Variants in STAM observed in about 807,000 individuals in gnomAD.
The protein encoded by STAM is signal transducing adapter molecule 1.
A neutral mutation model predicts 63.4 loss-of-function variants in STAM; 16 were observed. The observed-to-expected ratio is 0.25, with a 90% confidence interval of 0.17 to 0.38. The LOEUF is 0.38. Among genes scored for constraint, STAM ranks in the 10% least tolerant of loss-of-function variants. The pLI is 1.00. For synonymous variants in STAM, 238 were observed against 223.9 expected (o/e 1.06, Z -0.56); for missense variants, 636 against 657.1 (o/e 0.97, Z 0.35).
At chr10:17,670,626 G>A (rs868952007) in intron 2 of STAM, among the ~76,000 whole-genome samples, 1 of 152,008 alleles carries the variant, frequency 6.6e-6, no homozygotes, top group Non-Finnish European at 1.5e-5. Flanking sequence ...AAATATCATC[G>A]TACTGAATTT....
At position 17,696,661 on chromosome 10, in the gene STAM, G is replaced by T. The variant is rs566047188; in HGVS notation, c.729-114G>T. 18 of 670,772 alleles carry T rather than the reference G, an allele frequency of 2.7e-5. No individual in the cohort carries two copies. In the African/African-American group the frequency reaches 3.3e-4, roughly 12 times the overall value. The allele number at this position is 670,772 out of a possible 1,614,324, so 41.6% of individuals were successfully genotyped here. ...GGAAGATTCATTGGCTTTTTCAGTGGGTTATTGTGAGATTCAAATTTTGTA... is the reference window on the plus strand; with the variant it reads ...GGAAGATTCATTGGCTTTTTCAGTGTGTTATTGTGAGATTCAAATTTTGTA... On this transcript the variant is annotated intron_variant, in intron 7 of 13. Coordinates refer to ENST00000377524, the MANE Select transcript of STAM (RefSeq NM_003473.4).
At chr10:17,684,354 G>C (rs1473200625) in intron 2 of STAM, among the ~76,000 whole-genome samples, 2 of 151,998 alleles carry the variant, frequency 1.3e-5, no homozygotes, top group Non-Finnish European at 2.9e-5. Flanking sequence ...CAACGGGAGT[G>C]TAAGTCTGGT....
rs1413042995 is a variant in STAM, at chr10:17,716,213, A to G, written c.*1433A>G. 1.3e-5 allele frequency among the ~76,000 whole-genome samples: 2 copies of G among 152,172 alleles called. No individual in the cohort carries two copies. Among genetic ancestry groups the G allele is most frequent in the Non-Finnish European group, 2.9e-5 (2 of 68,002 alleles). On this transcript the variant is annotated 3_prime_UTR_variant, in exon 14 of 14. Transcript: ENST00000377524. ...GAATTGATGTAACAGGTTTCATACT[A>G]TAAATGAAAATTTCATTTTTATTTT...
At chr10:17,653,844 C>A (rs1339567530) in intron 1 of STAM, among the ~76,000 whole-genome samples, 1 of 152,164 alleles carries the variant, frequency 6.6e-6, no homozygotes, top group African/African-American at 2.4e-5. Context: ...AACCAATCTC[C>A]CATGTATACC....
At chr10:17,665,879 G>A (rs529138095) in intron 2 of STAM, among the ~76,000 whole-genome samples, 3 of 151,842 alleles carry the variant, frequency 2.0e-5, no homozygotes, top group Non-Finnish European at 2.9e-5. Context: ...TTTCTACTGC[G>A]CAATTTCCAG....
chr10:17,701,993 C>T (rs1836019096), intron 9 of STAM, among the ~76,000 whole-genome samples: 2 of 151,926 alleles, frequency 1.3e-5, no homozygotes, highest in South Asian at 2.1e-4. Flanking sequence ...AATGACAGAC[C>T]ACTGTCATTC....
At chr10:17,674,554 G>A (rs1338498411) in intron 2 of STAM, among the ~76,000 whole-genome samples, 2 of 152,234 alleles carry the variant, frequency 1.3e-5, no homozygotes, top group South Asian at 2.1e-4. Context: ...TCACAGAATG[G>A]TGGTGGGTTC....
At chr10:17,672,191 G>A (rs1039340703) in intron 2 of STAM, among the ~76,000 whole-genome samples, 3 of 152,104 alleles carry the variant, frequency 2.0e-5, no homozygotes, top group East Asian at 1.9e-4. Flanking sequence ...TGGTGACCGC[G>A]CCTAACATTG....
rs553112910 is a variant in STAM at position 17,647,118 on chromosome 10, G to A, written c.40+2739G>A. Among the ~76,000 whole-genome samples the A allele has an allele frequency of 2.2e-4, 34 of 152,210 alleles. No individual in the cohort carries two copies. In the South Asian group the frequency reaches 6.8e-3, roughly 31 times the overall value. On this transcript the variant is annotated intron_variant, in intron 1 of 13. Coordinates refer to ENST00000377524, the MANE Select transcript of STAM (RefSeq NM_003473.4). ...ATTTTTGTTTGATTTTTTCACTGCC[G>A]TATCCCTAGCTGTAGACCAGTTTTT...
chr10:17,681,132 T>TA (rs1435571642), intron 2 of STAM, among the ~76,000 whole-genome samples: 1 of 151,986 alleles, frequency 6.6e-6, no homozygotes, highest in Non-Finnish European at 1.5e-5. Context: ...TGTCAACACT[T>TA]ACCATTTTTT....
chr10:17,646,015 A>G (rs1157332135), intron 1 of STAM, among the ~76,000 whole-genome samples: 2 of 152,094 alleles, frequency 1.3e-5, no homozygotes, highest in African/African-American at 2.4e-5. Context: ...TTAATGTCAA[A>G]CCCGTTCCTA....
intron 5 of STAM, among the ~76,000 whole-genome samples, chr10:17,691,979 G>A (rs782646477): frequency 4.6e-5 from 7 of 152,210 alleles, no homozygotes; most frequent in South Asian, 2.1e-4. Context: ...TATAAGCCCC[G>A]GAGGTAATGT....
At chr10:17,713,895 G>A (rs1554830356) in intron 13 of STAM, among the ~76,000 whole-genome samples, 1 of 151,936 alleles carries the variant, frequency 6.6e-6, no homozygotes, top group Non-Finnish European at 1.5e-5. Context: ...CAGGTGCTGT[G>A]TGTTCTCCAG....
intron 4 of STAM, among the ~76,000 whole-genome samples, chr10:17,687,105 T>C (rs911156823): frequency 3.9e-5 from 6 of 152,232 alleles, no homozygotes; most frequent in Admixed American, 1.3e-4. Flanking sequence ...TCTCTTTCTT[T>C]AATACGGAAG....
At chr10:17,656,293 T>A (rs140389518) in intron 1 of STAM, among the ~76,000 whole-genome samples, 4,109 of 127,804 alleles carry the variant, frequency 0.032, 89 homozygotes, top group African/African-American at 0.049. Flanking sequence ...GACTCCGTCT[T>A]AAAAAAAAAA....
At chr10:17,663,269 A>G (rs1834245505) in intron 2 of STAM, among the ~76,000 whole-genome samples, 1 of 151,274 alleles carries the variant, frequency 6.6e-6, no homozygotes, top group African/African-American at 2.4e-5. Context: ...GAAATTTACT[A>G]ATTTATAGCT....
At chr10:17,671,210 C>T (rs929560039) in intron 2 of STAM, among the ~76,000 whole-genome samples, 1 of 152,134 alleles carries the variant, frequency 6.6e-6, no homozygotes, top group Non-Finnish European at 1.5e-5. Context: ...CCAATATAGA[C>T]GTACATATGT....
intron 2 of STAM, among the ~76,000 whole-genome samples, chr10:17,661,468 C>T (rs1365703291): frequency 6.6e-6 from 1 of 152,194 alleles, no homozygotes; most frequent in Non-Finnish European, 1.5e-5. Context: ...CTCACAACTT[C>T]CAGCTGTCTT....
At position 17,693,269 on chromosome 10, in the gene STAM, T is replaced by G. The variant is rs1835620662; in HGVS notation, c.492T>G (p.Pro164=). The G allele has an allele frequency of 1.2e-6, 2 of 1,613,254 alleles. No individual in the cohort carries two copies. Among genetic ancestry groups the G allele is most frequent in the Admixed American group, 3.3e-5 (2 of 59,984 alleles). The stretch of plus-strand genomic sequence containing the variant: ...GCCCAGCTCTTGTAGCCAAGGATCC[T>G]GGTACTGTGGCTAACAAAAAAGAAG... ...KASPALVAKD[P]GTVANKKEEE... The change falls in exon 6 of 14, where the codon CCT becomes CCG. Residue 164 remains proline (P), a synonymous_variant. Coordinates refer to ENST00000377524, the MANE Select transcript of STAM (RefSeq NM_003473.4).
Sources: allele counts gnomAD v4.1 joint callset (sites outside exome capture counted in the v4.1 genomes callset), GRCh38; gene constraint gnomAD v4.1.1; transcripts MANE v1.5; gene names NCBI Gene and HGNC (gene_info 2026-07-23, HGNC 2026-07-21).